The following MCM2 variants were observed in gnomAD, a reference collection of about 807,000 sequenced individuals.
MCM2 encodes the protein minichromosome maintenance complex component 2, also known as DNA replication licensing factor MCM2.
MCM2 carries 49 observed loss-of-function variants against 86.4 expected under a neutral mutation model. That is an observed-to-expected ratio of 0.57 (90% confidence interval 0.45 to 0.72). MCM2 has a LOEUF of 0.72. MCM2 is among the 30% of genes least tolerant of loss of function. The probability of loss-of-function intolerance (pLI) is 0.00; values close to 1 mark genes in which losing one functional copy is unlikely to be tolerated. For missense variants in MCM2, 1,038 were observed against 1,259.9 expected (o/e 0.82, Z 2.67); for synonymous variants, 475 against 484.6 (o/e 0.98, Z 0.26).
At position 127,619,273 on chromosome 3, in the gene MCM2, T is replaced by C; in HGVS notation, c.2260T>C (p.Ser754Pro). ...AKMYSDLRKE[S>P]MATGSIPITV... ...GATGTACAGTGACCTGAGGAAAGAA[T>C]CTATGGTGAGAGCCCAGGCAGAGCC... is the stretch of plus-strand genomic sequence containing the variant. The change falls in exon 13 of 16, where the codon TCT becomes CCT. Residue 754 changes from serine to proline, a missense_variant. Physicochemically the swap from Ser to Pro is moderately conservative, Grantham distance 74. This residue lies in a region of MCM2 where 336 missense variants were observed against 425.7 expected (regional missense o/e 0.79). Transcript: ENST00000265056. 1.2e-6 allele frequency: 2 copies of C among 1,612,024 alleles called. No homozygotes were observed. The highest frequency in any genetic ancestry group is 1.7e-6 in the Non-Finnish European group (2 of 1,178,382).
At chr3:127,607,783 C>CA (rs1489429975) in intron 6 of MCM2, among the ~76,000 whole-genome samples, 1 of 152,166 alleles carries the variant, frequency 6.6e-6, no homozygotes, top group Non-Finnish European at 1.5e-5. Flanking sequence ...CCCACTTTGC[C>CA]GAGTGTTTAG....
chr3:127,617,320 G>C lies in MCM2; in HGVS notation c.1815G>C (p.Glu605Asp). ...QDRTSIHEAM[E>D]QQSISISKAG... ...GAACCAGCATCCATGAGGCCATGGAGCAACAGAGCATCTCCATCTCGAAGG... is the reference window on the plus strand; with the variant it reads ...GAACCAGCATCCATGAGGCCATGGACCAACAGAGCATCTCCATCTCGAAGG... Residue 605 changes from glutamate (E) to aspartate (D), a missense_variant, in exon 11 of 16, where the codon GAG (glutamate) becomes GAC (aspartate). Glu to Asp is a conservative substitution (Grantham distance 45). Around this residue, in one of 4 missense-constraint regions of MCM2, gnomAD observed 336 missense variants for 425.7 expected, o/e 0.79. Transcript: ENST00000265056. The surrounding 1 kb of genome is among the most constrained non-coding windows in gnomAD (Gnocchi z 4.1). The C allele has an allele frequency of 1.2e-6, 2 of 1,614,144 alleles. No homozygotes were observed. Among genetic ancestry groups the C allele is most frequent in the Non-Finnish European group, 1.7e-6 (2 of 1,180,008 alleles).
chr3:127,610,972 G>T, intron 8 of MCM2: 1 of 456,584 alleles, frequency 2.2e-6, no homozygotes, highest in South Asian at 1.5e-5. Flanking sequence ...GGGCCAAGTT[G>T]TAGGGATACA....
chr3:127,612,266 G>A (rs1195158721), intron 8 of MCM2, among the ~76,000 whole-genome samples: 3 of 152,214 alleles, frequency 2.0e-5, no homozygotes, highest in Non-Finnish European at 2.9e-5. Flanking sequence ...ATCTGGTAAA[G>A]TATTAAAGAG....
At chr3:127,612,185 C>A (rs1285219373) in intron 8 of MCM2, among the ~76,000 whole-genome samples, 1 of 152,162 alleles carries the variant, frequency 6.6e-6, no homozygotes, top group Non-Finnish European at 1.5e-5. Context: ...GGCCTGTGTC[C>A]CCAGGTTTAC....
In MCM2 at chr3:127,606,667, C is replaced by T. The variant is rs150564590; in HGVS notation, c.951C>T (p.Gly317=). The T allele has an allele frequency of 1.1e-5, 17 of 1,614,104 alleles. No homozygotes were observed. The highest frequency in any genetic ancestry group is 7.7e-5 in the South Asian group (7 of 91,092). The change falls in exon 6 of 16, where the codon GGC becomes GGT. Residue 317 remains glycine (G), a synonymous_variant. Transcript: ENST00000265056. This position sits in a 1 kb window ranked among gnomAD's most constrained non-coding sequence, Gnocchi z 4.2. ...RTSGVVTSCT[G]VLPQLSMVKY... is the part of the protein sequence containing the mutation. ...GTGGGGTGGTGACCAGCTGCACTGG[C>T]GTCCTGCCCCAGCTCAGCATGGTCA...
chr3:127,605,831 T>C (rs922927129), intron 4 of MCM2, among the ~76,000 whole-genome samples: 7 of 152,180 alleles, frequency 4.6e-5, no homozygotes, highest in Admixed American at 3.3e-4. Context: ...TCTTCCTGGC[T>C]CTTGTAAGGC....
intron 1 of MCM2, chr3:127,598,776 C>G: frequency 4.2e-6 from 2 of 481,532 alleles, no homozygotes; most frequent in Non-Finnish European, 7.3e-6. Flanking sequence ...GCCCCCATTT[C>G]ACTACACTCC....
chr3:127,616,632 C>G (rs780473219), intron 9 of MCM2, among the ~76,000 whole-genome samples: 4 of 152,256 alleles, frequency 2.6e-5, no homozygotes, highest in Non-Finnish European at 4.4e-5. Flanking sequence ...TAGATTGTTT[C>G]TGATATTTCA....
At position 127,617,528 on chromosome 3, in the gene MCM2, T is replaced by A; in HGVS notation, c.1900+123T>A. On this transcript the variant is annotated intron_variant, in intron 11 of 15. Transcript: ENST00000265056. The surrounding 1 kb of genome is among the most constrained non-coding windows in gnomAD (Gnocchi z 4.1). ...AGGAAGTCATTGTGCAGCAGAGGGT[T>A]CCCCTCTTCTGCATATCCTGCCAGA... 4.0e-6 allele frequency: 5 copies of A among 1,235,622 alleles called. No homozygotes were observed. The highest frequency in any genetic ancestry group is 5.5e-6 in the Non-Finnish European group (5 of 912,088). The allele number at this position is 1,235,622 out of a possible 1,614,324, so 76.5% of individuals were successfully genotyped here.
At chr3:127,603,787 G>T (rs1306694126) in intron 2 of MCM2, among the ~76,000 whole-genome samples, 1 of 152,096 alleles carries the variant, frequency 6.6e-6, no homozygotes, top group African/African-American at 2.4e-5. Context: ...TCAGCCTCTC[G>T]AGTAGCTGGG....
At chr3:127,609,682 C>T (rs150783698) in intron 8 of MCM2, among the ~76,000 whole-genome samples, 19 of 152,010 alleles carry the variant, frequency 1.2e-4, no homozygotes, top group Admixed American at 3.3e-4. Context: ...TGCAGAAATA[C>T]GGATTACTTA....
Position 127,617,934 on chromosome 3 carries a change from A to C in MCM2, c.1901-35A>C, listed in dbSNP as rs549432658. On this transcript the variant is annotated intron_variant, in intron 11 of 15. Coordinates refer to ENST00000265056, the MANE Select transcript of MCM2 (RefSeq NM_004526.4). The surrounding 1 kb of genome is among the most constrained non-coding windows in gnomAD (Gnocchi z 4.1). ...GTCCCTGAGATGGGAGGATAGGGGA[A>C]TCCACCCTGATGGAGGTGCTCCCCT... is the stretch of plus-strand genomic sequence containing the variant. The C allele has an allele frequency of 3.3e-6, 5 of 1,537,430 alleles. No homozygotes were observed. In the South Asian group the frequency reaches 5.7e-5, roughly 18 times the overall value.
In MCM2 at chr3:127,608,654, G is replaced by T. The variant is rs573324909; in HGVS notation, c.1236+138G>T. 12 of 1,317,900 alleles carry T rather than the reference G, an allele frequency of 9.1e-6. No individual in the cohort carries two copies. The East Asian group carries it at 2.3e-4, about 25-fold the overall frequency. The allele number at this position is 1,317,900 out of a possible 1,614,324, so 81.6% of individuals were successfully genotyped here. The stretch of plus-strand genomic sequence containing the variant: ...TCTGTTTTTGCATGGCTGAGGCAAA[G>T]AACTTTCTTCTGGTGGATGGGTTGT... On this transcript the variant is annotated intron_variant, in intron 7 of 15. Transcript: ENST00000265056.
chr3:127,619,400 T>TAAA, intron 13 of MCM2, 122 bp downstream of exon 13: 2 of 1,067,984 alleles, frequency 1.9e-6, no homozygotes, highest in Non-Finnish European at 2.5e-6. Context: ...AGGGAGGCAT[T>TAAA]AAAAAAAAAA....
intron 2 of MCM2, among the ~76,000 whole-genome samples, chr3:127,600,597 A>G (rs531111955): frequency 3.9e-5 from 6 of 152,278 alleles, no homozygotes; most frequent in South Asian, 4.1e-4. Flanking sequence ...ACCACCCCCA[A>G]CGATGAGACT....
chr3:127,614,932 A>G (rs919858857), intron 8 of MCM2, among the ~76,000 whole-genome samples: 1 of 152,192 alleles, frequency 6.6e-6, no homozygotes, highest in African/African-American at 2.4e-5. Flanking sequence ...GGAATTGGAC[A>G]TTTCTCCAAG....
At chr3:127,598,583 C>T in intron 1 of MCM2, 111 bp downstream of exon 1, 1 of 1,405,338 alleles carries the variant, frequency 7.1e-7, no homozygotes, top group Non-Finnish European at 9.5e-7. Flanking sequence ...AGGCTGGGCC[C>T]CAGGCTCTGG....
At chr3:127,608,276 T>C in intron 6 of MCM2, 106 bp from the exon 7 acceptor site, 1 of 1,428,478 alleles carries the variant, frequency 7.0e-7, no homozygotes, top group African/African-American at 1.4e-5. Flanking sequence ...GCTCTCCATT[T>C]GCCACTCAGG....
Sources: gnomAD v4.1 joint callset for allele counts (sites outside exome capture counted in the v4.1 genomes callset) on GRCh38, gnomAD v4.1.1 for gene constraint, gnomAD v4.1.1 regional missense constraint, Gnocchi (gnomAD v3.1) non-coding constraint, MANE v1.5 for transcripts, NCBI Gene and HGNC (gene_info 2026-07-23, HGNC 2026-07-21) for gene names.